The following ARHGAP35 variants were observed in gnomAD, a reference collection of about 807,000 sequenced individuals.
ARHGAP35 encodes the protein rho GTPase-activating protein 35.
In ARHGAP35, 15 loss-of-function variants were observed where a neutral mutation model predicts 111.1. The observed-to-expected ratio is 0.13, with a 90% confidence interval of 0.09 to 0.21. The LOEUF (loss-of-function observed/expected upper bound fraction) is 0.21, where lower values mean the gene tolerates loss of function less well. ARHGAP35 is among the 10% of genes least tolerant of loss of function. ARHGAP35 has a pLI of 1.00. For synonymous variants in ARHGAP35, 643 were observed against 710.3 expected, an observed-to-expected ratio of 0.91 and a Z score of 1.51; for missense variants, 1,262 against 1,873.0, an observed-to-expected ratio of 0.67 and a Z score of 6.02.
rs180707411 is a variant in ARHGAP35 at position 46,988,257 on chromosome 19, C to T, written c.3904+191C>T. On this transcript the variant is annotated intron_variant, in intron 4 of 6. Coordinates refer to ENST00000672722, the MANE Select transcript of ARHGAP35 (RefSeq NM_004491.5). This position sits in a 1 kb window ranked among gnomAD's most constrained non-coding sequence, Gnocchi z 5.4. ...AGGGGACCGGGTCCTGTCAGTGAAC[C>T]GAAGCACCATCCCTGCCCAAGCTGG... 5.0e-5 allele frequency: 29 copies of T among 575,468 alleles called. No individual in the cohort carries two copies. The East Asian group carries it at 7.7e-4, about 15-fold the overall frequency. The allele number at this position is 575,468 out of a possible 1,614,324, so 35.6% of individuals were successfully genotyped here. A position where few individuals can be genotyped will look rare whatever the true frequency, so the allele number is the denominator to read the frequency against.
chr19:46,946,600 A>G (rs566069066), intron 3 of ARHGAP35: 14 of 152,260 alleles, frequency 9.2e-5, no homozygotes, highest in African/African-American at 2.4e-4. Context: ...CAGTGGTGCA[A>G]TCACAGCTCA....
chr19:46,893,572 A>G (rs1402391314), intron 1 of ARHGAP35, among the ~76,000 whole-genome samples: 1 of 152,050 alleles, frequency 6.6e-6, no homozygotes, highest in Non-Finnish European at 1.5e-5. Flanking sequence ...TTTAAAGATT[A>G]TAAAACACAC....
Position 46,937,405 on chromosome 19 carries a change from A to G in ARHGAP35, c.3823A>G (p.Thr1275Ala), listed in dbSNP as rs369805981. 2 of 1,613,836 alleles carry G rather than the reference A, an allele frequency of 1.2e-6. No individual in the cohort carries two copies. The highest frequency in any genetic ancestry group is 1.7e-6 in the Non-Finnish European group (2 of 1,179,842). Residue 1275 changes from threonine (T) to alanine (A), a missense_variant, in exon 3 of 7, where the codon ACA (threonine) becomes GCA (alanine). Physicochemically the swap from Thr to Ala is moderately conservative, Grantham distance 58. Transcript: ENST00000672722. ...IERCIEYIEA[T>A]GLSTEGIYRV... is the part of the protein sequence containing the mutation. ...AAGATGTATTGAGTACATTGAAGCC[A>G]CAGGTAAGAGTATTACCTCATAGCA... is the stretch of plus-strand genomic sequence containing the variant.
chr19:46,930,689 C>T (rs185441458), intron 2 of ARHGAP35, among the ~76,000 whole-genome samples: 86 of 151,064 alleles, frequency 5.7e-4, no homozygotes, highest in African/African-American at 2.0e-3. Context: ...AAGTTGACAG[C>T]GTAGGGTCAG....
chr19:46,985,305 A>C (rs542289643), intron 3 of ARHGAP35, among the ~76,000 whole-genome samples: 3 of 152,308 alleles, frequency 2.0e-5, no homozygotes, highest in Admixed American at 1.3e-4. Context: ...CCATCTCAAA[A>C]GCTGCCCTGG....
At chr19:46,932,913 C>A (rs1027194131) in intron 2 of ARHGAP35, among the ~76,000 whole-genome samples, 3 of 152,208 alleles carry the variant, frequency 2.0e-5, no homozygotes, top group South Asian at 2.1e-4. Flanking sequence ...TCTCAGTTAG[C>A]CTTCCGTCTC....
chr19:46,996,111 T>G (rs1229545135), intron 5 of ARHGAP35, among the ~76,000 whole-genome samples: 1 of 152,126 alleles, frequency 6.6e-6, no homozygotes, highest in Non-Finnish European at 1.5e-5. Flanking sequence ...AAATTTATTT[T>G]TTTTCTTTTT....
chr19:46,951,055 T>C (rs900655544), intron 3 of ARHGAP35, among the ~76,000 whole-genome samples: 7 of 152,248 alleles, frequency 4.6e-5, no homozygotes, highest in Non-Finnish European at 8.8e-5. Flanking sequence ...GTCTCCATCA[T>C]TTGCAGGTCA....
intron 3 of ARHGAP35, among the ~76,000 whole-genome samples, chr19:46,973,639 A>G (rs1300950513): frequency 6.6e-6 from 1 of 151,684 alleles, no homozygotes; most frequent in Admixed American, 6.6e-5. Flanking sequence ...TGCAGTGAGC[A>G]GAGATCGCAC....
At chr19:46,964,621 A>G (rs969985380) in intron 3 of ARHGAP35, among the ~76,000 whole-genome samples, 1 of 152,168 alleles carries the variant, frequency 6.6e-6, no homozygotes, top group Non-Finnish European at 1.5e-5. Flanking sequence ...AAAACTGACA[A>G]AAATAATTCT....
intron 1 of ARHGAP35, among the ~76,000 whole-genome samples, chr19:46,916,171 T>G (rs147927182): frequency 3.3e-5 from 5 of 152,210 alleles, no homozygotes; most frequent in African/African-American, 9.6e-5. Flanking sequence ...CCTGACCTCG[T>G]GATGCATCCG....
chr19:46,963,570 C>T (rs1042425405), intron 3 of ARHGAP35, among the ~76,000 whole-genome samples: 5 of 152,216 alleles, frequency 3.3e-5, no homozygotes, highest in African/African-American at 9.6e-5. Flanking sequence ...TGCCGTCCCT[C>T]CTGTGGACAT....
chr19:46,955,413 C>T (rs2056433919), intron 3 of ARHGAP35, among the ~76,000 whole-genome samples: 1 of 152,160 alleles, frequency 6.6e-6, no homozygotes, highest in South Asian at 2.1e-4. Context: ...TCACCCTCTC[C>T]GTGACAGACA....
At chr19:46,898,792 CTGCTGCTGCTGCTGCTGCTGT>C (rs1446238803) in intron 1 of ARHGAP35, among the ~76,000 whole-genome samples, 1 of 151,894 alleles carries the variant, frequency 6.6e-6, no homozygotes, top group African/African-American at 2.4e-5. Flanking sequence ...GCTGCTGCTG[CTGCTGCTGCTGCTGCTGCTGT>C]TGGAGCTGTA....
intron 1 of ARHGAP35, among the ~76,000 whole-genome samples, chr19:46,861,870 C>A (rs1261935689): frequency 6.6e-6 from 1 of 152,016 alleles, no homozygotes; most frequent in East Asian, 1.9e-4. Flanking sequence ...CACTGCTGCC[C>A]CAGGTCTTCC....
chr19:46,922,314 G>A lies in ARHGAP35; in HGVS notation c.3639G>A (p.Pro1213=), dbSNP rs943787062. 1.2e-6 allele frequency: 2 copies of A among 1,611,972 alleles called. No homozygotes were observed. The highest frequency in any genetic ancestry group is 1.7e-6 in the Non-Finnish European group (2 of 1,178,920). ...TTCCATACGAAACAGACGAAGACCC[G>A]CGGAGGAGGAATATTCTTCGCAGCC... ...AVIPYETDED[P]RRRNILRSLR... The change falls in exon 2 of 7, where the codon CCG becomes CCA. Residue 1213 remains proline, a synonymous_variant. Transcript: ENST00000672722. This position sits in a 1 kb window ranked among gnomAD's most constrained non-coding sequence, Gnocchi z 4.0.
chr19:46,900,170 A>G (rs935226455), intron 1 of ARHGAP35, among the ~76,000 whole-genome samples: 2 of 151,486 alleles, frequency 1.3e-5, no homozygotes, highest in Non-Finnish European at 2.9e-5. Flanking sequence ...AAGTGGCATT[A>G]AATTCACTTT....
rs1440124864 is a variant in ARHGAP35 at position 47,003,722 on chromosome 19, G to C, written c.*3034G>C. ...GAGGCAGGGCACCTGCTGCGACCCA[G>C]ATTCTTCTGCAGGATGTGTCTGTCT... On this transcript the variant is annotated 3_prime_UTR_variant, in exon 7 of 7. Transcript: ENST00000672722. 6.6e-6 allele frequency: 1 copy of C among 152,216 alleles called. No homozygotes were observed. The highest frequency in any genetic ancestry group is 1.5e-5 in the Non-Finnish European group (1 of 68,056). The allele number at this position is 152,216 out of a possible 1,614,324, so 9.4% of individuals were successfully genotyped here. A position where few individuals can be genotyped will look rare whatever the true frequency, so the allele number is the denominator to read the frequency against.
At chr19:46,914,446 A>AAATAAT (rs145247020) in intron 1 of ARHGAP35, among the ~76,000 whole-genome samples, 4 of 151,762 alleles carry the variant, frequency 2.6e-5, no homozygotes, top group Admixed American at 6.6e-5. Flanking sequence ...CCCCATTTCT[A>AAATAAT]AATAATAATA....
Sources: gnomAD v4.1 joint callset for allele counts (sites outside exome capture counted in the v4.1 genomes callset) on GRCh38, gnomAD v4.1.1 for gene constraint, Gnocchi (gnomAD v3.1) non-coding constraint, MANE v1.5 for transcripts, NCBI Gene and HGNC (gene_info 2026-07-23, HGNC 2026-07-21) for gene names.